NFIL3: variants seen among roughly 807,000 people sequenced by gnomAD.
NFIL3 encodes the protein nuclear factor interleukin-3-regulated protein.
In NFIL3, 5 loss-of-function variants were observed where a neutral mutation model predicts 10.0. The observed-to-expected ratio is 0.50, with a 90% CI of 0.26 to 1.06. The LOEUF is 1.06. NFIL3 is among the 50% of genes least tolerant of loss of function. NFIL3 has a pLI of 0.13. For missense variants in NFIL3, 436 were observed against 547.6 expected (o/e 0.80, Z 2.03); for synonymous variants, 202 against 206.5 (o/e 0.98, Z 0.19).
chr9:91,464,763 G>A, the NFIL3 span, among the ~76,000 whole-genome samples: 1 of 151,984 alleles, frequency 6.6e-6, no homozygotes, highest in Non-Finnish European at 1.5e-5. Flanking sequence ...CAACTTTGAA[G>A]GGTAATTTTT....
At chr9:91,431,460 C>T in the NFIL3 span, among the ~76,000 whole-genome samples, 1 of 152,156 alleles carries the variant, frequency 6.6e-6, no homozygotes, top group Non-Finnish European at 1.5e-5. Flanking sequence ...GGGCGCATCA[C>T]ATATATTAAG....
At chr9:91,460,393 GCC>G in the NFIL3 span, among the ~76,000 whole-genome samples, 1 of 149,466 alleles carries the variant, frequency 6.7e-6, no homozygotes, top group Admixed American at 6.8e-5. Context: ...TCCTGCCTCA[GCC>G]TCCCAAGTAG....
chr9:91,467,641 C>T, the NFIL3 span, among the ~76,000 whole-genome samples: 1 of 152,112 alleles, frequency 6.6e-6, no homozygotes, highest in Non-Finnish European at 1.5e-5. Flanking sequence ...CACCCATTAA[C>T]TCGTCATCTA....
chr9:91,433,592 T>G, the NFIL3 span, among the ~76,000 whole-genome samples: 1 of 152,226 alleles, frequency 6.6e-6, no homozygotes, highest in Admixed American at 6.5e-5. Flanking sequence ...ATGGACATGA[T>G]GCTAGAACTA....
At chr9:91,415,987 T>C (rs1410716394) in intron 1 of NFIL3, among the ~76,000 whole-genome samples, 6 of 151,970 alleles carry the variant, frequency 3.9e-5, no homozygotes, top group African/African-American at 1.5e-4. Context: ...TATCTAGAAC[T>C]TTTCTCCATC....
chr9:91,437,636 C>G, the NFIL3 span, among the ~76,000 whole-genome samples: 3 of 152,146 alleles, frequency 2.0e-5, no homozygotes, highest in Non-Finnish European at 4.4e-5. Context: ...ACTTTGTGTC[C>G]TCTGACCTAC....
At chr9:91,471,740 G>A in the NFIL3 span, among the ~76,000 whole-genome samples, 8 of 152,186 alleles carry the variant, frequency 5.3e-5, no homozygotes, top group East Asian at 1.5e-3. Context: ...ATTTGATCCT[G>A]TCATTACAAT....
At chr9:91,457,536 C>G in the NFIL3 span, among the ~76,000 whole-genome samples, 7 of 151,812 alleles carry the variant, frequency 4.6e-5, no homozygotes, top group Admixed American at 4.6e-4. Flanking sequence ...TCATTGTTAC[C>G]ATATAGAAAT....
At chr9:91,456,489 A>T in the NFIL3 span, among the ~76,000 whole-genome samples, 2 of 152,254 alleles carry the variant, frequency 1.3e-5, no homozygotes, top group East Asian at 1.9e-4. Context: ...CACCTTTCCC[A>T]TGCTCTTAGT....
upstream of NFIL3, among the ~76,000 whole-genome samples, chr9:91,425,479 G>A (rs1232897450): frequency 2.0e-5 from 3 of 152,132 alleles, no homozygotes; most frequent in Non-Finnish European, 2.9e-5. Flanking sequence ...TGCTGACAAG[G>A]CTCTGAAAAC....
chr9:91,473,026 A>T, the NFIL3 span, among the ~76,000 whole-genome samples: 11 of 152,122 alleles, frequency 7.2e-5, no homozygotes, highest in African/African-American at 2.7e-4. Context: ...CCTGTGTATC[A>T]CCAGCAGAGG....
the NFIL3 span, among the ~76,000 whole-genome samples, chr9:91,442,957 C>G: frequency 2.0e-5 from 3 of 152,122 alleles, no homozygotes; most frequent in Admixed American, 1.3e-4. Flanking sequence ...AAGTTCTTGT[C>G]CCACATCCAG....
At chr9:91,432,783 G>A in the NFIL3 span, among the ~76,000 whole-genome samples, 1 of 152,172 alleles carries the variant, frequency 6.6e-6, no homozygotes, top group Admixed American at 6.5e-5. Flanking sequence ...GTACTCTTTT[G>A]GAGTATGATA....
intron 1 of NFIL3, among the ~76,000 whole-genome samples, chr9:91,419,588 T>G (rs561421889): frequency 6.6e-6 from 1 of 152,304 alleles, no homozygotes; most frequent in East Asian, 1.9e-4. Context: ...CCCCATCTGG[T>G]TTTCAGGCTC....
At chr9:91,451,806 G>A in the NFIL3 span, among the ~76,000 whole-genome samples, 2 of 152,092 alleles carry the variant, frequency 1.3e-5, no homozygotes, top group African/African-American at 4.8e-5. Flanking sequence ...GGATATCCAC[G>A]CACATGACCT....
At chr9:91,416,116 A>G (rs978809651) in intron 1 of NFIL3, among the ~76,000 whole-genome samples, 2 of 152,102 alleles carry the variant, frequency 1.3e-5, no homozygotes, top group African/African-American at 4.8e-5. Context: ...ATAGAGAAAA[A>G]GAAATATGAT....
chr9:91,468,244 T>C, the NFIL3 span, among the ~76,000 whole-genome samples: 8 of 152,232 alleles, frequency 5.3e-5, no homozygotes, highest in South Asian at 2.1e-4. Flanking sequence ...TGGCGTGAGA[T>C]GGTATCTCAT....
the NFIL3 span, among the ~76,000 whole-genome samples, chr9:91,456,177 G>T: frequency 1.3e-5 from 2 of 152,066 alleles, no homozygotes; most frequent in Non-Finnish European, 2.9e-5. Context: ...TGGACATAGG[G>T]TTCATTCCCT....
the NFIL3 span, among the ~76,000 whole-genome samples, chr9:91,459,322 C>T: frequency 6.6e-6 from 1 of 152,152 alleles, no homozygotes; most frequent in Non-Finnish European, 1.5e-5. Context: ...ATCTTGCTGG[C>T]TACACAAAAG....
Sources: allele counts gnomAD v4.1 joint callset (sites outside exome capture counted in the v4.1 genomes callset), GRCh38; gene constraint gnomAD v4.1.1; transcripts MANE v1.5; gene names NCBI Gene and HGNC (gene_info 2026-07-23, HGNC 2026-07-21).